SPTLC1: variants seen among roughly 807,000 people sequenced by gnomAD.
The protein encoded by SPTLC1 is serine palmitoyltransferase long chain base subunit 1, also known as serine palmitoyltransferase 1.
SPTLC1 carries 55 observed loss-of-function variants against 68.9 expected under a neutral mutation model. The observed-to-expected ratio is 0.80, with a 90% confidence interval of 0.64 to 1.00. The LOEUF (loss-of-function observed/expected upper bound fraction) is 1.00, where lower values mean the gene tolerates loss of function less well. Among genes scored for constraint, SPTLC1 ranks in the 50% least tolerant of loss-of-function variants. The probability of loss-of-function intolerance (pLI) is 0.00; values close to 1 mark genes in which losing one functional copy is unlikely to be tolerated. For synonymous variants in SPTLC1, 197 were observed against 201.6 expected (o/e 0.98, Z 0.19); for missense variants, 449 against 573.1 (o/e 0.78, Z 2.21).
At chr9:92,047,473 G>T in intron 10 of SPTLC1, 140 bp downstream of exon 10, 1 of 745,526 alleles carries the variant, frequency 1.3e-6, no homozygotes, top group Non-Finnish European at 2.3e-6. Flanking sequence ...GAAATATTTT[G>T]AGTGATTCTT....
intron 5 of SPTLC1, among the ~76,000 whole-genome samples, chr9:92,068,700 G>A (rs972628556): frequency 1.6e-4 from 25 of 152,172 alleles, no homozygotes; most frequent in African/African-American, 5.8e-4. Flanking sequence ...ACTGTAAGGA[G>A]GATGTTGACA....
intron 2 of SPTLC1, chr9:92,111,537 A>G (rs1340630783): frequency 6.6e-6 from 1 of 152,164 alleles, no homozygotes; most frequent in Non-Finnish European, 1.5e-5. Flanking sequence ...TTGCCAGCTC[A>G]GTAGTTAGGA....
Position 92,112,454 on chromosome 9 carries a change from C to A in SPTLC1, c.165+1G>T. The A allele has an allele frequency of 6.3e-7, 1 of 1,583,268 alleles. No homozygotes were observed. Among genetic ancestry groups the A allele is most frequent in the Non-Finnish European group, 8.7e-7 (1 of 1,154,090 alleles). ...ATTAAAACAGAGATTTAATTTCGTA[C>A]CTTGACTGTAAGATCAGATCGTTCT... On this transcript the variant is annotated splice_donor_variant, in intron 2 of 14. Coordinates refer to ENST00000262554, the MANE Select transcript of SPTLC1 (RefSeq NM_006415.4). LOFTEE classifies it high-confidence loss of function.
chr9:92,074,501 A>T (rs1834608077), intron 5 of SPTLC1, among the ~76,000 whole-genome samples: 1 of 151,842 alleles, frequency 6.6e-6, no homozygotes, highest in South Asian at 2.1e-4. Flanking sequence ...TCCCCACCTT[A>T]ACCCTAAAGT....
chr9:92,106,303 G>A (rs891810970), intron 3 of SPTLC1, among the ~76,000 whole-genome samples: 3 of 151,896 alleles, frequency 2.0e-5, no homozygotes, highest in Admixed American at 6.6e-5. Context: ...GTGAAACTCC[G>A]TCTCTACTGA....
chr9:92,087,036 A>T (rs12501376), intron 3 of SPTLC1, among the ~76,000 whole-genome samples: 1 of 151,790 alleles, frequency 6.6e-6, no homozygotes, highest in Non-Finnish European at 1.5e-5. Context: ...TGATCGCATC[A>T]GCTCCTGAGG....
intron 3 of SPTLC1, among the ~76,000 whole-genome samples, chr9:92,101,439 G>C (rs547332474): frequency 6.6e-6 from 1 of 151,062 alleles, no homozygotes; most frequent in East Asian, 2.0e-4. Flanking sequence ...GCGGGTGCCT[G>C]TAGTCCCAGC....
At chr9:92,057,189 G>T (rs1833923384) in intron 7 of SPTLC1, among the ~76,000 whole-genome samples, 1 of 152,094 alleles carries the variant, frequency 6.6e-6, no homozygotes, top group African/African-American at 2.4e-5. Flanking sequence ...AAATTATTTC[G>T]GATTACATGA....
In SPTLC1 at chr9:92,050,811, A is replaced by ATTTTTTTTTTTTTTTTTT. The variant is rs370967911; in HGVS notation, c.781-762_781-745dup. ...CTTAACAAAAGACAGCACAATACTGATTTTTTTTTTTTTTTTTTTGAGACA... is the reference window on the plus strand; with the variant it reads ...CTTAACAAAAGACAGCACAATACTGATTTTTTTTTTTTTTTTTTTTTTTTTTTTTTTTTTTTTGAGACA... On this transcript the variant is annotated intron_variant, in intron 8 of 14. Coordinates refer to ENST00000262554, the MANE Select transcript of SPTLC1 (RefSeq NM_006415.4). The ATTTTTTTTTTTTTTTTTT allele has an allele frequency of 3.5e-4, 37 of 104,952 alleles. 5 individuals carry two copies. Among genetic ancestry groups the ATTTTTTTTTTTTTTTTTT allele is most frequent in the East Asian group, 7.8e-4 (3 of 3,848 alleles). The allele number at this position is 104,952 out of a possible 1,614,324, so 6.5% of individuals were successfully genotyped here.
intron 2 of SPTLC1, chr9:92,109,258 G>A (rs1166984856): frequency 5.0e-6 from 1 of 198,600 alleles, no homozygotes; most frequent in African/African-American, 2.3e-5. Context: ...TCCGATACAG[G>A]ATGCTCCTAT....
chr9:92,070,252 C>T (rs1271444855), intron 5 of SPTLC1: 1 of 152,186 alleles, frequency 6.6e-6, no homozygotes, highest in Non-Finnish European at 1.5e-5. Context: ...AACTGAAGAA[C>T]TTGTTTCTCT....
Position 92,080,965 on chromosome 9 carries a change from TAGGG to T in SPTLC1, c.261-6_261-3del, listed in dbSNP as rs756642236. The T allele has an allele frequency of 6.2e-7, 1 of 1,610,512 alleles. No individual in the cohort carries two copies. The highest frequency in any genetic ancestry group is 1.3e-5 in the African/African-American group (1 of 74,276). On this transcript the variant is annotated splice_region_variant and splice_polypyrimidine_tract_variant and intron_variant, in intron 3 of 14. Coordinates refer to ENST00000262554, the MANE Select transcript of SPTLC1 (RefSeq NM_006415.4). ...ACCACAGTTTTGTGGCTTGGAGGGC[TAGGG>T]AAGAGATAGAGTGGTACATGTCAAT... is the stretch of plus-strand genomic sequence containing the variant.
At chr9:92,067,290 C>T (rs1834323573) in intron 6 of SPTLC1, among the ~76,000 whole-genome samples, 1 of 148,336 alleles carries the variant, frequency 6.7e-6, no homozygotes, top group Admixed American at 6.6e-5. Flanking sequence ...CAAAGTGAGA[C>T]TCCATCTCAC....
At chr9:92,098,350 C>G (rs1323625589) in intron 3 of SPTLC1, among the ~76,000 whole-genome samples, 1 of 151,898 alleles carries the variant, frequency 6.6e-6, no homozygotes. Flanking sequence ...CGCTCTGCAC[C>G]TTTGGCACAG....
chr9:92,047,762 C>A, intron 9 of SPTLC1, 54 bp from the exon 10 acceptor site: 12 of 1,256,828 alleles, frequency 9.5e-6, no homozygotes, highest in Non-Finnish European at 1.4e-5. Flanking sequence ...AAAAAAAGGC[C>A]AACTTCAAGC....
intron 5 of SPTLC1, among the ~76,000 whole-genome samples, chr9:92,069,211 C>A (rs1017886005): frequency 1.3e-5 from 2 of 152,184 alleles, no homozygotes; most frequent in Non-Finnish European, 2.9e-5. Flanking sequence ...AGAGGGCTGA[C>A]GGCCTGGCAG....
intron 5 of SPTLC1, among the ~76,000 whole-genome samples, chr9:92,068,299 A>C (rs1278636805): frequency 6.6e-6 from 1 of 152,220 alleles, no homozygotes; most frequent in Non-Finnish European, 1.5e-5. Flanking sequence ...ACATGAACTA[A>C]ATCAGCTACG....
chr9:92,056,024 G>A (rs1833877188), intron 7 of SPTLC1, among the ~76,000 whole-genome samples: 1 of 152,188 alleles, frequency 6.6e-6, no homozygotes, highest in African/African-American at 2.4e-5. Context: ...GAAGGGTACA[G>A]GGGGCTTCAC....
rs778388513 is a variant in SPTLC1 at position 92,032,567 on chromosome 9, A to G, written c.1329-9T>C. 116 of 1,614,034 alleles carry G rather than the reference A, an allele frequency of 7.2e-5. No individual in the cohort carries two copies. The highest frequency in any genetic ancestry group is 7.5e-5 in the Non-Finnish European group (89 of 1,180,036). ...TGACCACAACCCGAATGCTGAGAAC[A>G]GTAAAGGACACAAAGAATTATCTTT... is the stretch of plus-strand genomic sequence containing the variant. On this transcript the variant is annotated splice_polypyrimidine_tract_variant and intron_variant, in intron 14 of 14. Transcript: ENST00000262554.
Sources: allele counts gnomAD v4.1 joint callset (sites outside exome capture counted in the v4.1 genomes callset), GRCh38; gene constraint gnomAD v4.1.1; transcripts MANE v1.5; gene names NCBI Gene and HGNC (gene_info 2026-07-23, HGNC 2026-07-21).